Variants in SPTBN1 observed in about 807,000 individuals in gnomAD.
SPTBN1 encodes spectrin beta, non-erythrocytic 1.
Under a neutral mutation model 266.4 loss-of-function variants are expected in SPTBN1, and 32 were observed. The ratio of observed to expected loss-of-function variants is 0.12; its 90% CI spans 0.09 to 0.16. The LOEUF is 0.16. SPTBN1 is among the 10% of genes least tolerant of loss of function. The pLI is 1.00. For missense variants in SPTBN1, 2,296 were observed against 3,067.1 expected (o/e 0.75, Z 5.94); for synonymous variants, 1,336 against 1,162.2 (o/e 1.15, Z -3.04).
At chr2:54,596,976 C>T (rs141322053) in intron 2 of SPTBN1, among the ~76,000 whole-genome samples, 1 of 152,272 alleles carries the variant, frequency 6.6e-6, no homozygotes, top group East Asian at 1.9e-4. Flanking sequence ...TCTGGGTGCT[C>T]CTTTAGTGAG....
chr2:54,599,135 C>G lies in SPTBN1; in HGVS notation c.192C>G (p.Val64=). The change falls in exon 3 of 36, where the codon GTC becomes GTG. Residue 64 remains valine (V), a synonymous_variant. Coordinates refer to ENST00000356805, the MANE Select transcript of SPTBN1 (RefSeq NM_003128.3). ...AGAAGAAGACCTTCACCAAGTGGGT[C>G]AATTCCCACCTTGCCCGTGTGTCCT... ...AVQKKTFTKW[V]NSHLARVSCR... is the part of the protein sequence containing the mutation. The G allele has an allele frequency of 1.2e-6, 2 of 1,614,160 alleles. No individual in the cohort carries two copies. The highest frequency in any genetic ancestry group is 1.7e-6 in the Non-Finnish European group (2 of 1,180,040).
At position 54,668,421 on chromosome 2, in the gene SPTBN1, G is replaced by A; in HGVS notation, c.6947G>A (p.Ser2316Asn). Residue 2316 changes from serine (S) to asparagine (N), a missense_variant, in exon 36 of 36, where the codon AGC becomes AAC. Coordinates refer to ENST00000356805, the MANE Select transcript of SPTBN1 (RefSeq NM_003128.3). The part of the protein sequence containing the change: ...ISSDKHEVSA[S>N]TQSTPASSRA... ...TCTGATAAACACGAGGTGTCTGCCA[G>A]CACCCAGAGCACGCCAGCATCCAGC... 1 of 1,614,202 alleles carries A rather than the reference G, an allele frequency of 6.2e-7. No individual in the cohort carries two copies. The highest frequency in any genetic ancestry group is 8.5e-7 in the Non-Finnish European group (1 of 1,180,030).
chr2:54,623,569 G>A lies in SPTBN1; in HGVS notation c.1155G>A (p.Glu385=). 6.2e-7 allele frequency: 1 copy of A among 1,614,076 alleles called. No individual in the cohort carries two copies. Among genetic ancestry groups the A allele is most frequent in the Non-Finnish European group, 8.5e-7 (1 of 1,179,972 alleles). Residue 385 remains glutamate, a synonymous_variant, in exon 10 of 36, where the codon GAG becomes GAA. Transcript: ENST00000356805. ...ACCAGAAGGTCTACATGCCCCGGGA[G>A]GGGAAGCTCATCTCTGACATCAACA... ...ANNQKVYMPR[E]GKLISDINKA...
chr2:54,600,727 T>G (rs1388152203), intron 3 of SPTBN1, among the ~76,000 whole-genome samples: 10 of 151,588 alleles, frequency 6.6e-5, no homozygotes, highest in East Asian at 1.9e-4. Flanking sequence ...TTTTTTTTTT[T>G]TTTGTGGAGT....
At chr2:54,465,445 C>T (rs1007052165) in intron 1 of SPTBN1, among the ~76,000 whole-genome samples, 1 of 152,002 alleles carries the variant, frequency 6.6e-6, no homozygotes, top group Non-Finnish European at 1.5e-5. Flanking sequence ...TCCAAGTGAA[C>T]ATTTTAAAAT....
rs530879973 is a variant in SPTBN1, at chr2:54,661,681, G to A, written c.6420+1682G>A. The A allele has an allele frequency of 5.1e-6, 5 of 985,616 alleles. No individual in the cohort carries two copies. In the East Asian group the frequency reaches 4.5e-4, roughly 89 times the overall value. The allele number at this position is 985,616 out of a possible 1,614,324, so 61.1% of individuals were successfully genotyped here. On this transcript the variant is annotated intron_variant, in intron 32 of 35. Coordinates refer to ENST00000356805, the MANE Select transcript of SPTBN1 (RefSeq NM_003128.3). ...TAGGGAGCTCTAATGTGTGTTTGTG[G>A]CTCCAAGTTACATTTTGTGTTTCAT...
At chr2:54,622,779 G>T (rs924229574) in intron 9 of SPTBN1, among the ~76,000 whole-genome samples, 25 of 152,118 alleles carry the variant, frequency 1.6e-4, no homozygotes, top group African/African-American at 5.8e-4. Flanking sequence ...TGTGTTTCAG[G>T]ATTCCATAAT....
At chr2:54,500,233 A>T (rs559980746) in intron 1 of SPTBN1, among the ~76,000 whole-genome samples, 67 of 152,364 alleles carry the variant, frequency 4.4e-4, no homozygotes, top group African/African-American at 1.5e-3. Flanking sequence ...CTCATGTTTC[A>T]GGCAACAGAA....
chr2:54,534,419 TAC>T (rs1671473542), intron 2 of SPTBN1, among the ~76,000 whole-genome samples: 1 of 152,238 alleles, frequency 6.6e-6, no homozygotes, highest in Non-Finnish European at 1.5e-5. Context: ...GTAACTATAC[TAC>T]CATTGTTTGT....
At chr2:54,590,688 A>G (rs1301305533) in intron 2 of SPTBN1, among the ~76,000 whole-genome samples, 1 of 152,230 alleles carries the variant, frequency 6.6e-6, no homozygotes, top group Non-Finnish European at 1.5e-5. Flanking sequence ...AGAAGCAAAG[A>G]TGGGAAAAAG....
intron 2 of SPTBN1, among the ~76,000 whole-genome samples, chr2:54,582,377 A>G (rs1674990844): frequency 6.6e-6 from 1 of 152,012 alleles, no homozygotes; most frequent in Admixed American, 6.5e-5. Context: ...GGTGTCAGGC[A>G]GGGGAGAGAA....
intron 2 of SPTBN1, among the ~76,000 whole-genome samples, chr2:54,561,815 G>A (rs1673325135): frequency 7.1e-6 from 1 of 141,330 alleles, no homozygotes; most frequent in African/African-American, 3.0e-5. Flanking sequence ...ATAGTTTATA[G>A]AGATTTATGG....
rs374877354 is a variant in SPTBN1, at chr2:54,593,823, C to CTTT, written c.149-5244_149-5242dup. ...TTCTAAGTCTTGTATCATGGAAACACTTTTTTTTTTTTTTTTTTTTTTTTT... is the reference window on the plus strand; with the variant it reads ...TTCTAAGTCTTGTATCATGGAAACACTTTTTTTTTTTTTTTTTTTTTTTTTTTT... On this transcript the variant is annotated intron_variant, in intron 2 of 35. Coordinates refer to ENST00000356805, the MANE Select transcript of SPTBN1 (RefSeq NM_003128.3). Among the ~76,000 whole-genome samples, 84 of 64,792 alleles carry CTTT rather than the reference C, an allele frequency of 1.3e-3. 10 individuals carry two copies. Among genetic ancestry groups the CTTT allele is most frequent in the African/African-American group, 3.2e-3 (51 of 16,176 alleles). The allele number at this position is 64,792 out of a possible 152,430, so 42.5% of individuals were successfully genotyped here.
intron 2 of SPTBN1, among the ~76,000 whole-genome samples, chr2:54,559,634 C>T (rs1201201789): frequency 6.6e-6 from 1 of 152,164 alleles, no homozygotes; most frequent in Non-Finnish European, 1.5e-5. Flanking sequence ...GCCCCTGCAC[C>T]CCTCAGCTGT....
At chr2:54,485,920 C>A (rs1264493409) in intron 1 of SPTBN1, among the ~76,000 whole-genome samples, 1 of 150,464 alleles carries the variant, frequency 6.6e-6, no homozygotes, top group Non-Finnish European at 1.5e-5. Flanking sequence ...TGCCCGGCCG[C>A]CCCGTCTGAG....
chr2:54,477,059 A>T (rs768591457), intron 1 of SPTBN1, among the ~76,000 whole-genome samples: 1 of 151,814 alleles, frequency 6.6e-6, no homozygotes, highest in Non-Finnish European at 1.5e-5. Context: ...GTTCTCTTTG[A>T]CTTTCTGTAA....
At chr2:54,565,626 A>T (rs977029048) in intron 2 of SPTBN1, among the ~76,000 whole-genome samples, 1 of 152,238 alleles carries the variant, frequency 6.6e-6, no homozygotes, top group Admixed American at 6.5e-5. Flanking sequence ...TAAATAATCT[A>T]TTGAATTTAA....
At chr2:54,564,004 G>A (rs1386902189) in intron 2 of SPTBN1, among the ~76,000 whole-genome samples, 6 of 152,152 alleles carry the variant, frequency 3.9e-5, no homozygotes, top group South Asian at 2.1e-4. Context: ...TGCTCTTCCC[G>A]TAGTACCACA....
At chr2:54,625,612 CAG>C (rs1678271471) in intron 11 of SPTBN1, among the ~76,000 whole-genome samples, 1 of 152,106 alleles carries the variant, frequency 6.6e-6, no homozygotes, top group Non-Finnish European at 1.5e-5. Flanking sequence ...GTTTTTGAGG[CAG>C]AGTTTCACTC....
Sources: allele counts gnomAD v4.1 joint callset (sites outside exome capture counted in the v4.1 genomes callset), GRCh38; gene constraint gnomAD v4.1.1; transcripts MANE v1.5; gene names NCBI Gene and HGNC (gene_info 2026-07-23, HGNC 2026-07-21).